Variants in MINDY4 observed in about 807,000 individuals in gnomAD.
MINDY4 encodes MINDY lysine 48 deubiquitinase 4.
MINDY4 carries 68 observed loss-of-function variants against 87.0 expected under a neutral mutation model. The ratio of observed to expected loss-of-function variants is 0.78; its 90% CI spans 0.64 to 0.96. The LOEUF (loss-of-function observed/expected upper bound fraction) is 0.96. Ranked by LOEUF, MINDY4 falls within the 40% of genes least tolerant of loss-of-function variation. The pLI, the probability that MINDY4 is intolerant of heterozygous loss-of-function variation, is 0.00. For missense variants in MINDY4, 919 were observed against 928.2 expected, an observed-to-expected ratio of 0.99 and a Z score of 0.13; for synonymous variants, 379 against 363.2, an observed-to-expected ratio of 1.04 and a Z score of -0.50.
At chr7:30,868,951 A>G (rs142209536) in intron 13 of MINDY4, among the ~76,000 whole-genome samples, 28 of 152,330 alleles carry the variant, frequency 1.8e-4, no homozygotes, top group African/African-American at 5.8e-4. Flanking sequence ...GGCCAAGCCT[A>G]TTCTGTGAGT....
At chr7:30,802,624 CTG>C (rs1787689611) in intron 5 of MINDY4, among the ~76,000 whole-genome samples, 1 of 152,192 alleles carries the variant, frequency 6.6e-6, no homozygotes, top group African/African-American at 2.4e-5. Flanking sequence ...TTATGCTAAT[CTG>C]TCTGTGATAG....
intron 16 of MINDY4, 45 bp from the exon 17 acceptor site, chr7:30,882,876 G>T (rs745825597): frequency 2.0e-5 from 31 of 1,588,396 alleles, no homozygotes; most frequent in Non-Finnish European, 2.4e-5. Flanking sequence ...CAGGGTGAGT[G>T]CAGGGCCCTG....
chr7:30,841,111 A>G (rs991213346), intron 9 of MINDY4, among the ~76,000 whole-genome samples: 4 of 150,440 alleles, frequency 2.7e-5, no homozygotes, highest in East Asian at 2.0e-4. Context: ...ATCAAAACCA[A>G]TTTCCCTCCT....
chr7:30,888,719 T>A (rs1790706541), intron 17 of MINDY4, among the ~76,000 whole-genome samples: 4 of 152,360 alleles, frequency 2.6e-5, no homozygotes, highest in South Asian at 4.1e-4. Context: ...ATTTTTAAAA[T>A]GTCTCTGCTT....
chr7:30,818,873 T>C (rs1352207786), intron 5 of MINDY4, among the ~76,000 whole-genome samples: 1 of 152,258 alleles, frequency 6.6e-6, no homozygotes, highest in Non-Finnish European at 1.5e-5. Context: ...AACTTATTCA[T>C]ACTAGTTTCT....
chr7:30,883,035 A>G, intron 17 of MINDY4, 42 bp downstream of exon 17: 1 of 1,589,020 alleles, frequency 6.3e-7, no homozygotes. Flanking sequence ...CACCCTGAAT[A>G]GCTTTGAGGA....
intron 9 of MINDY4, among the ~76,000 whole-genome samples, chr7:30,846,662 C>T (rs535932163): frequency 4.8e-4 from 72 of 151,548 alleles, no homozygotes; most frequent in Non-Finnish European, 9.1e-4. Context: ...CACGCAGGCA[C>T]ATACAGCCCT....
At chr7:30,771,745 G>A (rs568286719) in intron 1 of MINDY4, among the ~76,000 whole-genome samples, 189 bp downstream of exon 1, 1 of 152,352 alleles carries the variant, frequency 6.6e-6, no homozygotes, top group South Asian at 2.1e-4. Context: ...AGGCGTTTCT[G>A]CCGTCGTCAC....
intron 5 of MINDY4, 53 bp from the exon 6 acceptor site, chr7:30,828,626 T>C (rs1174560906): frequency 1.3e-6 from 2 of 1,577,190 alleles, no homozygotes; most frequent in Non-Finnish European, 1.7e-6. Flanking sequence ...TTCTCTGCCG[T>C]TTACATTTCT....
chr7:30,881,818 C>CGTGGTGCAGGTTG (rs1790470668), intron 15 of MINDY4, among the ~76,000 whole-genome samples: 1 of 152,048 alleles, frequency 6.6e-6, no homozygotes, highest in Non-Finnish European at 1.5e-5. Context: ...AGGTCACTGC[C>CGTGGTGCAGGTTG]GTGGTGCAGG....
At chr7:30,862,327 A>C (rs1461099880) in intron 13 of MINDY4, among the ~76,000 whole-genome samples, 1 of 152,252 alleles carries the variant, frequency 6.6e-6, no homozygotes, top group East Asian at 1.9e-4. Flanking sequence ...AGCCACACTG[A>C]AATTATTTCA....
intron 13 of MINDY4, among the ~76,000 whole-genome samples, chr7:30,871,038 T>C (rs1790090742): frequency 7.9e-5 from 12 of 151,558 alleles, no homozygotes; most frequent in Admixed American, 7.9e-4. Flanking sequence ...CCCAGGGTTG[T>C]GTGTACCCCC....
chr7:30,819,605 AAG>A (rs1788261592), intron 5 of MINDY4, among the ~76,000 whole-genome samples: 1 of 152,114 alleles, frequency 6.6e-6, no homozygotes, highest in South Asian at 2.1e-4. Flanking sequence ...TCACGGATTG[AAG>A]AGTTTCTCCT....
intron 7 of MINDY4, among the ~76,000 whole-genome samples, chr7:30,838,003 AATGAGTCTGTAGGAAAGGT>A (rs1788913302): frequency 6.6e-6 from 1 of 152,212 alleles, no homozygotes; most frequent in Non-Finnish European, 1.5e-5. Flanking sequence ...GGTGGAAAAT[AATGAGTCTGTAGGAAAGGT>A]CTGACCCAGA....
intron 10 of MINDY4, among the ~76,000 whole-genome samples, chr7:30,851,281 C>G (rs994940402): frequency 3.9e-4 from 60 of 152,324 alleles, no homozygotes; most frequent in African/African-American, 1.3e-3. Flanking sequence ...TTAGGTCAGA[C>G]TCCCAATGCT....
At chr7:30,831,202 C>T (rs1788690161) in intron 6 of MINDY4, among the ~76,000 whole-genome samples, 1 of 152,188 alleles carries the variant, frequency 6.6e-6, no homozygotes. Context: ...GCCCGAATTT[C>T]ACCTGTTATA....
chr7:30,841,524 G>A (rs532454061), intron 9 of MINDY4, among the ~76,000 whole-genome samples: 5 of 152,224 alleles, frequency 3.3e-5, no homozygotes, highest in Admixed American at 1.3e-4. Flanking sequence ...GGCTGGAGGC[G>A]AGGCCTTCTT....
At chr7:30,830,957 A>G (rs1332349735) in intron 6 of MINDY4, among the ~76,000 whole-genome samples, 2 of 152,120 alleles carry the variant, frequency 1.3e-5, no homozygotes, top group Admixed American at 1.3e-4. Flanking sequence ...GCTGGGCAAG[A>G]TGATTTTGAG....
At chr7:30,787,237 G>A (rs1028255472) in intron 4 of MINDY4, among the ~76,000 whole-genome samples, 1 of 152,218 alleles carries the variant, frequency 6.6e-6, no homozygotes, top group Admixed American at 6.5e-5. Flanking sequence ...TCCAGATCAA[G>A]GAAGAGCCTT....
Sources: allele counts gnomAD v4.1 joint callset (sites outside exome capture counted in the v4.1 genomes callset), GRCh38; gene constraint gnomAD v4.1.1; transcripts MANE v1.5; gene names NCBI Gene and HGNC (gene_info 2026-07-23, HGNC 2026-07-21).